The following ACOT11 variants were observed in gnomAD, a reference collection of about 807,000 sequenced individuals.
The protein encoded by ACOT11 is acyl-coenzyme A thioesterase 11.
ACOT11 carries 69 observed loss-of-function variants against 77.5 expected under a neutral mutation model. The ratio of observed to expected loss-of-function variants is 0.89; its 90% CI spans 0.73 to 1.09. ACOT11 has a LOEUF of 1.09. ACOT11 is among the 50% of genes least tolerant of loss of function. The pLI is 0.00. For synonymous variants in ACOT11, 279 were observed against 313.0 expected (o/e 0.89, Z 1.15); for missense variants, 766 against 813.7 (o/e 0.94, Z 0.71).
intron 4 of ACOT11, among the ~76,000 whole-genome samples, 155 bp from the exon 5 acceptor site, chr1:54,593,786 C>A (rs1203177841): frequency 6.6e-6 from 1 of 152,126 alleles, no homozygotes; most frequent in Admixed American, 6.5e-5. Flanking sequence ...GTCAAACCCC[C>A]CCTCAGATCT....
intron 12 of ACOT11, 138 bp from the exon 13 acceptor site, chr1:54,604,938 G>A: frequency 1.1e-6 from 1 of 893,194 alleles, no homozygotes; most frequent in Non-Finnish European, 1.7e-6. Flanking sequence ...ATGCAGCTGA[G>A]ACTCAGAGAG....
intron 16 of ACOT11, among the ~76,000 whole-genome samples, chr1:54,631,876 C>A (rs1250399308): frequency 3.3e-5 from 5 of 152,138 alleles, no homozygotes; most frequent in Non-Finnish European, 7.3e-5. Flanking sequence ...GGCTGCTCTG[C>A]GACCTATCAG....
chr1:54,597,516 C>T, intron 7 of ACOT11, 101 bp downstream of exon 7: 1 of 1,405,512 alleles, frequency 7.1e-7, no homozygotes, highest in Admixed American at 2.5e-5. Flanking sequence ...GGTTGGCATT[C>T]AAGGCTTCAG....
At chr1:54,553,622 G>C (rs1557643600) in intron 1 of ACOT11, among the ~76,000 whole-genome samples, 1 of 151,956 alleles carries the variant, frequency 6.6e-6, no homozygotes, top group Non-Finnish European at 1.5e-5. Flanking sequence ...TGATAGTGCA[G>C]AACATCTACT....
At chr1:54,604,730 C>T (rs912571085) in intron 12 of ACOT11, among the ~76,000 whole-genome samples, 19 of 152,258 alleles carry the variant, frequency 1.2e-4, no homozygotes, top group Admixed American at 5.9e-4. Context: ...CTGCAGGGAT[C>T]GGGGCAGCCA....
At chr1:54,581,994 T>C (rs1052894442) in intron 1 of ACOT11, among the ~76,000 whole-genome samples, 3 of 152,214 alleles carry the variant, frequency 2.0e-5, no homozygotes, top group African/African-American at 4.8e-5. Context: ...GCTCTGTCCC[T>C]GCTGCCTGTG....
intron 1 of ACOT11, among the ~76,000 whole-genome samples, chr1:54,580,488 C>T (rs948836556): frequency 5.3e-5 from 8 of 152,210 alleles, no homozygotes; most frequent in Non-Finnish European, 1.2e-4. Flanking sequence ...CTCTCATTTG[C>T]CCCAGTGTTC....
chr1:54,562,449 C>A (rs1446515764), intron 1 of ACOT11, among the ~76,000 whole-genome samples: 5 of 85,608 alleles, frequency 5.8e-5, no homozygotes, highest in Non-Finnish European at 1.1e-4. Flanking sequence ...GGGGGCTGAT[C>A]CCCCCACCTC....
downstream of ACOT11, chr1:54,612,765 C>T (rs1644133160): frequency 7.4e-7 from 1 of 1,350,312 alleles, no homozygotes; most frequent in Non-Finnish European, 1.1e-6. Context: ...CCCTTCCTCT[C>T]CTCTGGGGTC....
intron 8 of ACOT11, among the ~76,000 whole-genome samples, chr1:54,599,959 G>T (rs912729281): frequency 6.6e-6 from 1 of 152,150 alleles, no homozygotes; most frequent in South Asian, 2.1e-4. Flanking sequence ...TGCCGGATTC[G>T]AGTTTGGCTC....
In ACOT11 at chr1:54,610,260, TCCCTCCCCGCAA is replaced by T. The variant is rs1348882687; in HGVS notation, c.*1153_*1164del. 6 of 1,473,932 alleles carry T rather than the reference TCCCTCCCCGCAA, an allele frequency of 4.1e-6. No homozygotes were observed. In the East Asian group the frequency reaches 1.4e-4, roughly 35 times the overall value. 91.3% of individuals were successfully genotyped at this position (1,473,932 alleles called of 1,614,324 possible). Reference sequence around the variant, plus strand: ...GCTCTTGACATCACTGTACTCCCTCTCCCTCCCCGCAACCCTGCCCCACCTTGCATCCAGGGT... The same window carrying T: ...GCTCTTGACATCACTGTACTCCCTCTCCCTGCCCCACCTTGCATCCAGGGT... On this transcript the variant is annotated 3_prime_UTR_variant, in exon 16 of 16. Transcript: ENST00000343744.
intron 15 of ACOT11, chr1:54,623,622 G>T (rs1420597148): frequency 1.2e-5 from 6 of 505,212 alleles, no homozygotes; most frequent in African/African-American, 1.9e-5. Flanking sequence ...ATCTTAACAG[G>T]CTAACCAGAA....
At chr1:54,575,957 A>G (rs923433463) in intron 1 of ACOT11, among the ~76,000 whole-genome samples, 1 of 152,348 alleles carries the variant, frequency 6.6e-6, no homozygotes, top group African/African-American at 2.4e-5. Context: ...GTGTGCAGTA[A>G]TGGAGCAATG....
At chr1:54,596,691 A>G (rs1654910404) in intron 6 of ACOT11, among the ~76,000 whole-genome samples, 1 of 152,164 alleles carries the variant, frequency 6.6e-6, no homozygotes, top group African/African-American at 2.4e-5. Flanking sequence ...CTCGTGGCTC[A>G]GCCTCCTGAG....
chr1:54,574,438 C>G (rs1569684887), intron 1 of ACOT11, among the ~76,000 whole-genome samples: 1 of 152,220 alleles, frequency 6.6e-6, no homozygotes, highest in Non-Finnish European at 1.5e-5. Flanking sequence ...TGCCCACGCT[C>G]CCCACTCCCT....
chr1:54,579,699 G>A (rs1000206869), intron 1 of ACOT11, among the ~76,000 whole-genome samples: 20 of 152,206 alleles, frequency 1.3e-4, no homozygotes, highest in Admixed American at 1.0e-3. Flanking sequence ...CTCCCTGCCC[G>A]CCCCTGGGGC....
In ACOT11 at chr1:54,620,845, C is replaced by CAAAAAAAAAAAAAA. The variant is rs767625864; in HGVS notation, c.1630-9870_1630-9857dup. ...CCTGGATGACACAAAGAGACTCTGT[C>CAAAAAAAAAAAAAA]AAAAAAAAAAAAAAAAAAAAAAAAA... On this transcript the variant is annotated intron_variant, in intron 15 of 16. Coordinates refer to the ACOT11 transcript ENST00000371316. 5.8e-4 allele frequency among the ~76,000 whole-genome samples: 7 copies of CAAAAAAAAAAAAAA among 12,132 alleles called. 1 individual carries two copies. Among genetic ancestry groups the CAAAAAAAAAAAAAA allele is most frequent in the African/African-American group, 9.4e-4 (3 of 3,198 alleles). 8.0% of individuals were successfully genotyped at this position (12,132 alleles called of 152,430 possible).
At chr1:54,601,192 TGA>T in intron 8 of ACOT11, 75 bp from the exon 9 acceptor site, 1 of 1,530,854 alleles carries the variant, frequency 6.5e-7, no homozygotes, top group Non-Finnish European at 8.8e-7. Flanking sequence ...TGTGTGTGTG[TGA>T]GTGTGTGTGT....
chr1:54,560,953 C>A (rs564314611), intron 1 of ACOT11, among the ~76,000 whole-genome samples: 6 of 152,274 alleles, frequency 3.9e-5, no homozygotes, highest in Non-Finnish European at 7.4e-5. Flanking sequence ...GAACTCCTGA[C>A]CTTAGGCAAT....
Sources: allele counts gnomAD v4.1 joint callset (sites outside exome capture counted in the v4.1 genomes callset), GRCh38; gene constraint gnomAD v4.1.1; transcripts MANE v1.5; gene names NCBI Gene and HGNC (gene_info 2026-07-23, HGNC 2026-07-21).